The following EIF3L variants were observed in gnomAD, a reference collection of about 807,000 sequenced individuals.
The protein encoded by EIF3L is eIEF associated protein HSPC021.
Under a neutral mutation model 74.6 loss-of-function variants are expected in EIF3L, and 32 were observed. That is an observed-to-expected ratio of 0.43 (90% CI 0.32 to 0.58). EIF3L has a LOEUF of 0.58. Among genes scored for constraint, EIF3L ranks in the 20% least tolerant of loss-of-function variants. The pLI is 0.06. For synonymous variants in EIF3L, 256 were observed against 254.4 expected, an observed-to-expected ratio of 1.01 and a Z score of -0.06; for missense variants, 474 against 707.8, an observed-to-expected ratio of 0.67 and a Z score of 3.75.
At chr22:37,886,868 G>T in intron 12 of EIF3L, 23 bp downstream of exon 12, 2 of 1,587,260 alleles carry the variant, frequency 1.3e-6, no homozygotes, top group South Asian at 1.1e-5. Flanking sequence ...AGAGAAGAGG[G>T]GTTTGTTGGC....
rs531285786 is a variant in EIF3L at position 37,878,637 on chromosome 22, A to AT, written c.1575+471dup. 4.0e-3 allele frequency: 616 copies of AT among 154,528 alleles called. 2 individuals carry two copies. The highest frequency in any genetic ancestry group is 0.014 in the African/African-American group (587 of 41,322). 9.6% of individuals were successfully genotyped at this position (154,528 alleles called of 1,614,324 possible). A position where few individuals can be genotyped will look rare whatever the true frequency, so the allele number is the denominator to read the frequency against. Reference sequence around the variant, plus strand: ...TGTTACCATGCCCAGCTAATTTTGTATTTTTCGTAGAAATGGGGTTTCTCC... The same window carrying AT: ...TGTTACCATGCCCAGCTAATTTTGTATTTTTTCGTAGAAATGGGGTTTCTCC... On this transcript the variant is annotated intron_variant, in intron 11 of 12. Transcript: ENST00000652021.
chr22:37,862,877 C>G (rs1227933274), intron 5 of EIF3L, 92 bp from the exon 6 acceptor site: 2 of 910,616 alleles, frequency 2.2e-6, no homozygotes, highest in African/African-American at 3.4e-5. Flanking sequence ...TACCAATTCT[C>G]TTGTATTTGT....
At chr22:37,855,244 GA>G (rs1480095460) in intron 3 of EIF3L, among the ~76,000 whole-genome samples, 1 of 152,156 alleles carries the variant, frequency 6.6e-6, no homozygotes, top group Admixed American at 6.6e-5. Flanking sequence ...CTGTGTTAAA[GA>G]ATGGTGGCCA....
In EIF3L at chr22:37,888,442, A is replaced by C; in HGVS notation, c.1673A>C (p.Lys558Thr). 1 of 1,613,988 alleles carries C rather than the reference A, an allele frequency of 6.2e-7. No homozygotes were observed. The highest frequency in any genetic ancestry group is 8.5e-7 in the Non-Finnish European group (1 of 1,179,998). ...HKFEELNRTL[K>T]KMGQRP is the part of the protein sequence containing the mutation. ...CTCTTCTAGCTTAATCGAACCCTGA[A>C]GAAGATGGGACAGAGACCTTGATGA... Residue 558 changes from lysine to threonine, a missense_variant, in exon 13 of 13, where the codon AAG (lysine) becomes ACG (threonine). Transcript: ENST00000652021.
chr22:37,881,169 C>T (rs1927028106), intron 11 of EIF3L: 1 of 152,194 alleles, frequency 6.6e-6, no homozygotes, highest in Non-Finnish European at 1.5e-5. Flanking sequence ...GGTTGAAGAA[C>T]AGTGTTAGTT....
intron 10 of EIF3L, 98 bp downstream of exon 10, chr22:37,876,109 C>A: frequency 7.5e-7 from 1 of 1,328,772 alleles, no homozygotes; most frequent in Non-Finnish European, 1.0e-6. Context: ...CAAAATATTG[C>A]ACTTTTAAGC....
At chr22:37,871,520 G>A (rs1926468183) in intron 8 of EIF3L, among the ~76,000 whole-genome samples, 1 of 152,134 alleles carries the variant, frequency 6.6e-6, no homozygotes, top group Non-Finnish European at 1.5e-5. Context: ...GTGTGTATAA[G>A]ACATATATGA....
At chr22:37,874,023 C>T (rs1453696168) in intron 8 of EIF3L, among the ~76,000 whole-genome samples, 3 of 152,076 alleles carry the variant, frequency 2.0e-5, no homozygotes, top group African/African-American at 7.2e-5. Context: ...GGGCAAGTAA[C>T]ATCTTAGTGT....
rs774785447 is a variant in EIF3L at position 37,877,879 on chromosome 22, A to G, written c.1283A>G (p.Tyr428Cys). 3.7e-6 allele frequency: 6 copies of G among 1,613,394 alleles called. No individual in the cohort carries two copies. The highest frequency in any genetic ancestry group is 5.1e-6 in the Non-Finnish European group (6 of 1,179,852). The change falls in exon 11 of 13, where the codon TAT becomes TGT. Residue 428 changes from tyrosine (Y) to cysteine (C), a missense_variant. Tyr to Cys is a radical substitution (Grantham distance 194). This residue lies in a region of EIF3L where 293 missense variants were observed against 469.1 expected (regional missense o/e 0.62). Transcript: ENST00000652021. ...PKFLSPVVPN[Y>C]DNVHPNYHKE... is the part of the protein sequence containing the mutation. Reference sequence around the variant, plus strand: ...TTCCTGTCGCCTGTAGTGCCCAACTATGATAATGTGCACCCCAACTACCAC... The same window carrying G: ...TTCCTGTCGCCTGTAGTGCCCAACTGTGATAATGTGCACCCCAACTACCAC...
chr22:37,855,011 G>A (rs909336853), intron 3 of EIF3L, among the ~76,000 whole-genome samples: 5 of 152,186 alleles, frequency 3.3e-5, no homozygotes, highest in Non-Finnish European at 7.3e-5. Flanking sequence ...AAGCAGGAGG[G>A]GTGGGGCTTG....
In EIF3L at chr22:37,862,956, G is replaced by A; in HGVS notation, c.436-13G>A. 6.3e-7 allele frequency: 1 copy of A among 1,599,300 alleles called. No homozygotes were observed. Among genetic ancestry groups the A allele is most frequent in the Non-Finnish European group, 8.5e-7 (1 of 1,170,886 alleles). On this transcript the variant is annotated splice_polypyrimidine_tract_variant and intron_variant, in intron 5 of 12. Transcript: ENST00000652021. ...AAATATCTGTATCTTGATATCTCTT[G>A]TTTTCTTTACAGGGGGGACCTTCCT...
intron 11 of EIF3L, chr22:37,880,006 T>G (rs932749147): frequency 2.6e-5 from 4 of 152,216 alleles, no homozygotes; most frequent in Non-Finnish European, 5.9e-5. Context: ...TTTCACTATG[T>G]TGACCAGACT....
At chr22:37,851,131 T>G (rs1289649255) in intron 2 of EIF3L, 149 bp from the exon 3 acceptor site, 2 of 620,370 alleles carry the variant, frequency 3.2e-6, no homozygotes, top group African/African-American at 3.7e-5. Context: ...ACAACGAGAT[T>G]GGGAGTGACT....
At chr22:37,871,904 A>C (rs1926498507) in intron 8 of EIF3L, among the ~76,000 whole-genome samples, 1 of 149,584 alleles carries the variant, frequency 6.7e-6, no homozygotes, top group South Asian at 2.1e-4. Flanking sequence ...ATATCTCATT[A>C]GGCATATGCA....
chr22:37,854,876 A>G (rs552937607), intron 3 of EIF3L, among the ~76,000 whole-genome samples: 1 of 152,232 alleles, frequency 6.6e-6, no homozygotes, highest in South Asian at 2.1e-4. Flanking sequence ...CCTGGGTTCA[A>G]GCGATACCCC....
At chr22:37,886,893 A>T in intron 12 of EIF3L, 48 bp downstream of exon 12, 1 of 1,454,356 alleles carries the variant, frequency 6.9e-7, no homozygotes, top group Non-Finnish European at 9.6e-7. Flanking sequence ...GACAGAGCTT[A>T]GGAACTGAAT....
chr22:37,851,904 G>A (rs2146009232), intron 3 of EIF3L, among the ~76,000 whole-genome samples: 1 of 152,282 alleles, frequency 6.6e-6, no homozygotes, highest in East Asian at 1.9e-4. Flanking sequence ...CTGACCTCAA[G>A]TGATCCACCC....
chr22:37,886,736 C>T (rs1308859694), intron 11 of EIF3L, 29 bp from the exon 12 acceptor site: 4 of 1,599,680 alleles, frequency 2.5e-6, no homozygotes, highest in Non-Finnish European at 3.4e-6. Flanking sequence ...CACCTGGCTG[C>T]TCTTCCCTGA....
At chr22:37,851,203 TG>T in intron 2 of EIF3L, 76 bp from the exon 3 acceptor site, 2 of 1,240,314 alleles carry the variant, frequency 1.6e-6, no homozygotes, top group Non-Finnish European at 2.3e-6. Flanking sequence ...GTTTAGTTTC[TG>T]GGGTGGTCTT....
Sources: allele counts gnomAD v4.1 joint callset (sites outside exome capture counted in the v4.1 genomes callset), GRCh38; gene constraint gnomAD v4.1.1; regional missense constraint gnomAD v4.1.1; transcripts MANE v1.5; gene names NCBI Gene and HGNC (gene_info 2026-07-23, HGNC 2026-07-21).